The following NFE2L3 variants were observed in gnomAD, a reference collection of about 807,000 sequenced individuals.
NFE2L3 encodes nuclear factor erythroid 2-related factor 3.
A neutral mutation model predicts 23.5 loss-of-function variants in NFE2L3; 18 were observed. The ratio of observed to expected loss-of-function variants is 0.77; its 90% CI spans 0.53 to 1.13. NFE2L3 has a LOEUF of 1.13. NFE2L3 is among the 50% of genes most tolerant of loss of function. The pLI is 0.00. For synonymous variants in NFE2L3, 424 were observed against 354.5 expected, an observed-to-expected ratio of 1.20 and a Z score of -2.20; for missense variants, 1,152 against 877.2, an observed-to-expected ratio of 1.31 and a Z score of -3.96.
At position 26,185,128 on chromosome 7, in the gene NFE2L3, A is replaced by T; in HGVS notation, c.1430A>T (p.His477Leu). 2 of 1,613,910 alleles carry T rather than the reference A, an allele frequency of 1.2e-6. No homozygotes were observed. The highest frequency in any genetic ancestry group is 1.7e-6 in the Non-Finnish European group (2 of 1,179,824). The change falls in exon 4 of 4, where the codon CAC (histidine) becomes CTC (leucine). Residue 477 changes from histidine to leucine, a missense_variant. Transcript: ENST00000056233. Reference sequence around the variant, plus strand: ...TACCCAGAACCCAGTAAGCTTTGTCACTTGGATCAAAGTGATTCTGATTTC... The same window carrying T: ...TACCCAGAACCCAGTAAGCTTTGTCTCTTGGATCAAAGTGATTCTGATTTC... Reference protein sequence around the residue: ...GYYPEPSKLCHLDQSDSDFHG... With the variant: ...GYYPEPSKLCLLDQSDSDFHG...
At chr7:26,180,022 C>T (rs1398118681) in intron 2 of NFE2L3, among the ~76,000 whole-genome samples, 1 of 152,156 alleles carries the variant, frequency 6.6e-6, no homozygotes, top group African/African-American at 2.4e-5. Flanking sequence ...ATACATGCAT[C>T]TCACCTCTTC....
chr7:26,155,276 T>TA (rs1296253516), intron 1 of NFE2L3, among the ~76,000 whole-genome samples: 1 of 152,012 alleles, frequency 6.6e-6, no homozygotes, highest in African/African-American at 2.4e-5. Flanking sequence ...ACCCCATCTT[T>TA]ACTAAAAATA....
intron 1 of NFE2L3, among the ~76,000 whole-genome samples, chr7:26,153,870 C>G (rs950449837): frequency 6.6e-6 from 1 of 152,202 alleles, no homozygotes; most frequent in African/African-American, 2.4e-5. Context: ...ACACCAGTTT[C>G]CACAAAACCA....
chr7:26,184,846 A>C lies in NFE2L3; in HGVS notation c.1148A>C (p.Asp383Ala). 1 of 1,613,970 alleles carries C rather than the reference A, an allele frequency of 6.2e-7. No homozygotes were observed. Among genetic ancestry groups the C allele is most frequent in the Non-Finnish European group, 8.5e-7 (1 of 1,179,828 alleles). ...RNLTSQDLLY[D>A]LDINIFDEIN... ...CTAACAAGCCAAGACCTACTGTATG[A>C]CCTTGACATAAATATATTTGATGAG... The change falls in exon 4 of 4, where the codon GAC (aspartate) becomes GCC (alanine). Residue 383 changes from aspartate to alanine, a missense_variant. Asp to Ala is a moderately radical substitution (Grantham distance 126). Coordinates refer to ENST00000056233, the MANE Select transcript of NFE2L3 (RefSeq NM_004289.7).
chr7:26,171,543 TGAAAA>T, intron 1 of NFE2L3, among the ~76,000 whole-genome samples: 1 of 147,832 alleles, frequency 6.8e-6, no homozygotes, highest in South Asian at 2.1e-4. Context: ...AAACTCCTTC[TGAAAA>T]GAAAAAAAAA....
chr7:26,179,842 C>G (rs1033865353), intron 2 of NFE2L3, among the ~76,000 whole-genome samples: 4 of 152,154 alleles, frequency 2.6e-5, no homozygotes, highest in African/African-American at 9.7e-5. Context: ...TTTCTCTTGA[C>G]CACGCGATAC....
chr7:26,180,124 G>C (rs1408466253), intron 2 of NFE2L3, among the ~76,000 whole-genome samples: 1 of 152,056 alleles, frequency 6.6e-6, no homozygotes, highest in African/African-American at 2.4e-5. Context: ...CTCTTGCATG[G>C]TTTCTCATCG....
At chr7:26,176,780 A>G (rs1282670546) in intron 1 of NFE2L3, among the ~76,000 whole-genome samples, 22 of 73,466 alleles carry the variant, frequency 3.0e-4, no homozygotes, top group Admixed American at 4.2e-4. Flanking sequence ...CGGGGTGGCC[A>G]GGCAGAGGCG....
intron 1 of NFE2L3, among the ~76,000 whole-genome samples, chr7:26,161,818 A>ACATAAGT (rs1259774862): frequency 2.0e-5 from 3 of 152,174 alleles, no homozygotes; most frequent in Non-Finnish European, 4.4e-5. Flanking sequence ...CAATGAATGC[A>ACATAAGT]GAATTAGCTT....
rs1205716660 is a variant in NFE2L3, at chr7:26,152,587, T to A, written c.89T>A (p.Leu30Gln). The part of the protein sequence containing the change: ...LLSLAGLRVD[L>Q]DLYLLLPPPT... The stretch of plus-strand genomic sequence containing the variant: ...AGCTTGGCGGGGCTCCGCGTAGACC[T>A]AGATCTTTACCTGCTGCTGCCGCCG... Residue 30 changes from leucine to glutamine, a missense_variant, in exon 1 of 4, where the codon CTA becomes CAA. Leu to Gln is a moderately radical substitution (Grantham distance 113, BLOSUM62 -2). Coordinates refer to ENST00000056233, the MANE Select transcript of NFE2L3 (RefSeq NM_004289.7). The surrounding 1 kb of genome is among the most constrained non-coding windows in gnomAD (Gnocchi z 4.4). 1 of 1,547,312 alleles carries A rather than the reference T, an allele frequency of 6.5e-7. No individual in the cohort carries two copies. Among genetic ancestry groups the A allele is most frequent in the Non-Finnish European group, 8.6e-7 (1 of 1,157,860 alleles).
At chr7:26,179,810 G>T (rs1784474812) in intron 2 of NFE2L3, among the ~76,000 whole-genome samples, 1 of 152,186 alleles carries the variant, frequency 6.6e-6, no homozygotes, top group Admixed American at 6.5e-5. Flanking sequence ...AGGGTGTGGG[G>T]TGCTAAGAAC....
At chr7:26,181,640 T>A (rs1480029992) in intron 2 of NFE2L3, among the ~76,000 whole-genome samples, 1 of 152,094 alleles carries the variant, frequency 6.6e-6, no homozygotes, top group East Asian at 1.9e-4. Flanking sequence ...GCTCACCTTT[T>A]AAGAATTAAA....
At chr7:26,167,591 TAAC>T (rs1784268885) in intron 1 of NFE2L3, among the ~76,000 whole-genome samples, 1 of 152,196 alleles carries the variant, frequency 6.6e-6, no homozygotes, top group Admixed American at 6.5e-5. Context: ...AAATAAAAAG[TAAC>T]TTAATGATGG....
At chr7:26,161,023 G>T (rs913951565) in intron 1 of NFE2L3, among the ~76,000 whole-genome samples, 5 of 152,162 alleles carry the variant, frequency 3.3e-5, no homozygotes, top group Admixed American at 6.5e-5. Context: ...TTGCTTCTGA[G>T]CTCCAGGTCA....
intron 1 of NFE2L3, 79 bp from the exon 2 acceptor site, chr7:26,177,864 T>A: frequency 1.6e-6 from 2 of 1,253,796 alleles, no homozygotes; most frequent in South Asian, 2.9e-5. Flanking sequence ...ACTTGTGGGT[T>A]TTCATGGTCC....
chr7:26,169,666 T>C (rs1446039191), intron 1 of NFE2L3, among the ~76,000 whole-genome samples: 2 of 152,218 alleles, frequency 1.3e-5, no homozygotes, highest in African/African-American at 4.8e-5. Flanking sequence ...TATATTTGCT[T>C]CACAATAGGC....
chr7:26,180,752 T>C (rs990724166), intron 2 of NFE2L3, among the ~76,000 whole-genome samples: 2 of 151,992 alleles, frequency 1.3e-5, no homozygotes, highest in Non-Finnish European at 2.9e-5. Context: ...TAAATATTAA[T>C]GAGGAGACAA....
intron 1 of NFE2L3, among the ~76,000 whole-genome samples, chr7:26,167,754 G>C (rs1314093796): frequency 6.6e-6 from 1 of 152,096 alleles, no homozygotes; most frequent in Non-Finnish European, 1.5e-5. Context: ...ATAATTACTG[G>C]CTACTAGGGC....
At chr7:26,182,766 AAACAAATTGGAGTAAATGTAAAT>A (rs1170127627) in intron 2 of NFE2L3, among the ~76,000 whole-genome samples, 1 of 152,044 alleles carries the variant, frequency 6.6e-6, no homozygotes, top group Admixed American at 6.6e-5. Flanking sequence ...GGTTTTAAAA[AAACAAATTGGAGTAAATGTAAAT>A]AAGTATTGAC....
Sources: gnomAD v4.1 joint callset for allele counts (sites outside exome capture counted in the v4.1 genomes callset) on GRCh38, gnomAD v4.1.1 for gene constraint, Gnocchi (gnomAD v3.1) non-coding constraint, MANE v1.5 for transcripts, NCBI Gene and HGNC (gene_info 2026-07-23, HGNC 2026-07-21) for gene names.